PRKCE: variants seen among roughly 807,000 people sequenced by gnomAD.
PRKCE encodes protein kinase C epsilon, also known as protein kinase C epsilon type.
Under a neutral mutation model 85.4 loss-of-function variants are expected in PRKCE, and 16 were observed. The ratio of observed to expected loss-of-function variants is 0.19; its 90% CI spans 0.13 to 0.28. The LOEUF (loss-of-function observed/expected upper bound fraction) is 0.28, where lower values mean the gene tolerates loss of function less well. Ranked by LOEUF, PRKCE falls within the 10% of genes least tolerant of loss-of-function variation. The pLI is 1.00. For missense variants in PRKCE, 573 were observed against 975.2 expected (o/e 0.59, Z 5.49); for synonymous variants, 388 against 371.5 (o/e 1.04, Z -0.51).
intron 1 of PRKCE, among the ~76,000 whole-genome samples, chr2:45,692,042 C>T (rs1166161617): frequency 1.3e-5 from 2 of 152,082 alleles, no homozygotes; most frequent in African/African-American, 4.8e-5. Flanking sequence ...TTTTAAAAAA[C>T]CTTCACTCAT....
chr2:45,973,318 C>T (rs1453170015), intron 2 of PRKCE, among the ~76,000 whole-genome samples: 1 of 152,192 alleles, frequency 6.6e-6, no homozygotes, highest in Non-Finnish European at 1.5e-5. Flanking sequence ...CTTTCCTGCC[C>T]AGAGGAATGT....
chr2:45,881,729 A>T (rs1341922193), intron 2 of PRKCE, among the ~76,000 whole-genome samples: 3 of 152,360 alleles, frequency 2.0e-5, no homozygotes, highest in African/African-American at 7.2e-5. Context: ...AAGTCACACA[A>T]TATGAGGTAG....
intron 2 of PRKCE, among the ~76,000 whole-genome samples, chr2:45,958,042 T>C (rs1326716811): frequency 6.6e-6 from 1 of 151,476 alleles, no homozygotes; most frequent in Non-Finnish European, 1.5e-5. Context: ...TCCAGCAGTG[T>C]ATGTTTGAGC....
In PRKCE at chr2:45,959,701, T is replaced by A. The variant is rs142919770; in HGVS notation, c.413-16728T>A. Among the ~76,000 whole-genome samples the A allele has an allele frequency of 5.0e-3, 764 of 152,324 alleles. 10 individuals are homozygous for A. Among genetic ancestry groups the A allele is most frequent in the African/African-American group, 0.018 (739 of 41,574 alleles). ...ATACAAACTTTTTGTTCCCAGAGGT[T>A]AATGCCTGTGTGATGATTATATTTG... On this transcript the variant is annotated intron_variant, in intron 2 of 14. Transcript: ENST00000306156.
At chr2:46,085,670 C>A (rs937109273) in intron 10 of PRKCE, among the ~76,000 whole-genome samples, 1 of 132,128 alleles carries the variant, frequency 7.6e-6, no homozygotes, top group Admixed American at 7.8e-5. Flanking sequence ...ATTTAAGACC[C>A]ACGCTGGTAA....
intron 1 of PRKCE, among the ~76,000 whole-genome samples, chr2:45,748,895 T>A (rs991597750): frequency 4.0e-5 from 6 of 151,240 alleles, no homozygotes; most frequent in Non-Finnish European, 3.0e-5. Context: ...ACAGGATTTT[T>A]TTTTTTTTTT....
At chr2:45,815,231 G>A (rs1688945748) in intron 1 of PRKCE, among the ~76,000 whole-genome samples, 1 of 152,158 alleles carries the variant, frequency 6.6e-6, no homozygotes, top group Non-Finnish European at 1.5e-5. Flanking sequence ...GTGGTTCAGG[G>A]TCAAGAAAAT....
intron 1 of PRKCE, among the ~76,000 whole-genome samples, chr2:45,773,866 G>A (rs990501521): frequency 2.0e-5 from 3 of 152,174 alleles, no homozygotes; most frequent in Non-Finnish European, 4.4e-5. Flanking sequence ...ACCTACGGCT[G>A]CCAGGCCTTG....
At chr2:46,085,180 A>G (rs1350377486) in intron 10 of PRKCE, among the ~76,000 whole-genome samples, 1 of 152,008 alleles carries the variant, frequency 6.6e-6, no homozygotes, top group African/African-American at 2.4e-5. Context: ...TCCCCACATC[A>G]TCATGGATTG....
In PRKCE at chr2:45,980,288, A is replaced by G. The variant is rs755868422; in HGVS notation, c.608-8A>G. ...GTCATTCAGCCTTCCTGTCTTTGCT[A>G]TTTGCAGTCTGCACCTGCGTGGTCC... On this transcript the variant is annotated splice_polypyrimidine_tract_variant and splice_region_variant and intron_variant, in intron 4 of 14. Coordinates refer to ENST00000306156, the MANE Select transcript of PRKCE (RefSeq NM_005400.3). The G allele has an allele frequency of 6.9e-6, 11 of 1,599,452 alleles. No individual in the cohort carries two copies. The highest frequency in any genetic ancestry group is 9.3e-6 in the Non-Finnish European group (11 of 1,179,784).
At chr2:45,910,601 A>G (rs1278509524) in intron 2 of PRKCE, among the ~76,000 whole-genome samples, 1 of 152,118 alleles carries the variant, frequency 6.6e-6, no homozygotes, top group African/African-American at 2.4e-5. Context: ...ACACTTCCTA[A>G]ACAAGTTTGT....
At chr2:45,915,834 G>T (rs1362662508) in intron 2 of PRKCE, among the ~76,000 whole-genome samples, 2 of 152,108 alleles carry the variant, frequency 1.3e-5, no homozygotes, top group Non-Finnish European at 2.9e-5. Context: ...TAGTTCCCAA[G>T]CATCCTCCTC....
intron 2 of PRKCE, among the ~76,000 whole-genome samples, chr2:45,947,943 A>G (rs1700350408): frequency 1.3e-5 from 2 of 152,364 alleles, no homozygotes; most frequent in African/African-American, 4.8e-5. Flanking sequence ...TTAGAGAACT[A>G]CGTATATGTG....
At chr2:45,778,938 A>C (rs970629596) in intron 1 of PRKCE, among the ~76,000 whole-genome samples, 1 of 152,176 alleles carries the variant, frequency 6.6e-6, no homozygotes, top group African/African-American at 2.4e-5. Flanking sequence ...TCTCCTTCTC[A>C]TTCTCTTAAA....
chr2:45,727,839 G>C (rs570723494), intron 1 of PRKCE, among the ~76,000 whole-genome samples: 1 of 152,146 alleles, frequency 6.6e-6, no homozygotes, highest in African/African-American at 2.4e-5. Context: ...ATTTTTAGTA[G>C]AGACGGGGTT....
At chr2:46,088,994 T>C (rs1355217819) in intron 11 of PRKCE, among the ~76,000 whole-genome samples, 2 of 152,184 alleles carry the variant, frequency 1.3e-5, no homozygotes, top group African/African-American at 4.8e-5. Context: ...CTCCAAAACT[T>C]GACCTTCCCT....
chr2:46,141,046 G>A (rs911093953), intron 11 of PRKCE, among the ~76,000 whole-genome samples: 34 of 152,208 alleles, frequency 2.2e-4, no homozygotes, highest in African/African-American at 7.2e-4. Context: ...GCTGATGGAC[G>A]TATAAATTGT....
chr2:45,734,091 G>T (rs1026120405), intron 1 of PRKCE, among the ~76,000 whole-genome samples: 1 of 152,224 alleles, frequency 6.6e-6, no homozygotes, highest in Admixed American at 6.5e-5. Flanking sequence ...CCTGGGCTGG[G>T]TGCGGTGGCT....
rs1675180568 is a variant in PRKCE at position 45,652,686 on chromosome 2, TTGG to T, written c.348+242_348+244del. 6.6e-6 allele frequency among the ~76,000 whole-genome samples: 1 copy of T among 152,046 alleles called. No individual in the cohort carries two copies. On this transcript the variant is annotated intron_variant, in intron 1 of 14. Coordinates refer to ENST00000306156, the MANE Select transcript of PRKCE (RefSeq NM_005400.3). The surrounding 1 kb of genome is among the most constrained non-coding windows in gnomAD (Gnocchi z 7.7). ...CCTCTGCTCCCTCTGTGCCCTCCAG[TTGG>T]TGGGTGCTGCGGGAGGTTTGCAAAC...
Sources: gnomAD v4.1 joint callset for allele counts (sites outside exome capture counted in the v4.1 genomes callset) on GRCh38, gnomAD v4.1.1 for gene constraint, Gnocchi (gnomAD v3.1) non-coding constraint, MANE v1.5 for transcripts, NCBI Gene and HGNC (gene_info 2026-07-23, HGNC 2026-07-21) for gene names.